The following CFAP61 variants were observed in gnomAD, a reference collection of about 807,000 sequenced individuals.
The protein encoded by CFAP61 is cilia- and flagella-associated protein 61.
Under a neutral mutation model 135.6 loss-of-function variants are expected in CFAP61, and 107 were observed. That is an observed-to-expected ratio of 0.79 (90% confidence interval 0.67 to 0.93). The LOEUF is 0.93. CFAP61 is among the 40% of genes least tolerant of loss of function. The probability of loss-of-function intolerance (pLI) is 0.00; values close to 1 mark genes in which losing one functional copy is unlikely to be tolerated. For synonymous variants in CFAP61, 575 were observed against 578.5 expected, an observed-to-expected ratio of 0.99 and a Z score of 0.09; for missense variants, 1,507 against 1,556.2, an observed-to-expected ratio of 0.97 and a Z score of 0.53.
At chr20:20,059,149 GA>G (rs2146537293) in intron 2 of CFAP61, among the ~76,000 whole-genome samples, 1 of 151,876 alleles carries the variant, frequency 6.6e-6, no homozygotes, top group East Asian at 1.9e-4. Flanking sequence ...GCCAACAGGT[GA>G]AACCCCATCT....
chr20:20,320,376 T>TGTAATATATATA (rs2057397286), intron 25 of CFAP61, among the ~76,000 whole-genome samples: 3 of 6,716 alleles, frequency 4.5e-4, no homozygotes, highest in Non-Finnish European at 1.6e-3. Context: ...ATATATATTA[T>TGTAATATATATA]ATATATGTAA....
At chr20:20,118,278 TTTCTTTCTTTCTTTCTTTCTTTC>T (rs1457907074) in intron 8 of CFAP61, among the ~76,000 whole-genome samples, 1 of 144,860 alleles carries the variant, frequency 6.9e-6, no homozygotes, top group African/African-American at 2.6e-5. Context: ...TCTTTCTTTC[TTTCTTTCTTTCTTTCTTTCTTTC>T]TTTCTTTTCT....
At chr20:20,082,777 A>G (rs183179966) in intron 6 of CFAP61, among the ~76,000 whole-genome samples, 1 of 152,310 alleles carries the variant, frequency 6.6e-6, no homozygotes, top group Admixed American at 6.5e-5. Context: ...ATGCAAATTA[A>G]ACCACAGTGA....
At chr20:20,251,877 A>T in intron 20 of CFAP61, 114 bp downstream of exon 20, 1 of 1,112,108 alleles carries the variant, frequency 9.0e-7, no homozygotes, top group Non-Finnish European at 1.3e-6. Context: ...CTGCCTGGAC[A>T]GCTGCTGCTC....
chr20:20,221,796 G>C (rs1601479514), intron 17 of CFAP61: 1 of 152,206 alleles, frequency 6.6e-6, no homozygotes, highest in Admixed American at 6.5e-5. Flanking sequence ...ACTAATATTT[G>C]CTTCACTAAT....
intron 6 of CFAP61, among the ~76,000 whole-genome samples, chr20:20,079,978 A>C (rs1427738804): frequency 6.6e-6 from 1 of 152,144 alleles, no homozygotes; most frequent in East Asian, 1.9e-4. Flanking sequence ...TATTACCTTC[A>C]GTTTTTAAAT....
chr20:20,274,727 C>T (rs1350122914), intron 21 of CFAP61, among the ~76,000 whole-genome samples: 1 of 152,094 alleles, frequency 6.6e-6, no homozygotes, highest in Non-Finnish European at 1.5e-5. Context: ...GGCCATCTTA[C>T]ATATTAATAA....
At chr20:20,171,962 A>G (rs2054256346) in intron 13 of CFAP61, 4 of 476,372 alleles carry the variant, frequency 8.4e-6, no homozygotes, top group Non-Finnish European at 1.5e-5. Context: ...GAAGAGGGGA[A>G]GCACTTTCCT....
chr20:20,172,578 C>T (rs1311889451), intron 13 of CFAP61, among the ~76,000 whole-genome samples: 1 of 152,138 alleles, frequency 6.6e-6, no homozygotes, highest in African/African-American at 2.4e-5. Context: ...CCTTGGCCTC[C>T]CAGTGTTGCA....
chr20:20,267,896 T>C (rs963822500), intron 21 of CFAP61: 1 of 152,194 alleles, frequency 6.6e-6, no homozygotes, highest in Non-Finnish European at 1.5e-5. Flanking sequence ...TCCACCCCAA[T>C]GTGCAGGCTG....
chr20:20,249,507 C>G (rs983597382), intron 19 of CFAP61, among the ~76,000 whole-genome samples: 2 of 152,146 alleles, frequency 1.3e-5, no homozygotes, highest in Non-Finnish European at 2.9e-5. Context: ...CCACTGTGCT[C>G]TAGGCTGGGT....
intron 7 of CFAP61, among the ~76,000 whole-genome samples, chr20:20,096,507 G>T (rs1478145538): frequency 1.3e-5 from 2 of 152,204 alleles, no homozygotes; most frequent in Admixed American, 1.3e-4. Flanking sequence ...ACTAACAGCG[G>T]TCTTATAAAT....
intron 25 of CFAP61, among the ~76,000 whole-genome samples, chr20:20,303,321 G>A (rs565854411): frequency 2.0e-5 from 3 of 152,306 alleles, no homozygotes; most frequent in South Asian, 4.1e-4. Flanking sequence ...TAACTGATGA[G>A]AGTAATAATT....
At chr20:20,122,148 T>TG (rs2049701069) in intron 8 of CFAP61, among the ~76,000 whole-genome samples, 2 of 149,830 alleles carry the variant, frequency 1.3e-5, no homozygotes, top group African/African-American at 4.9e-5. Context: ...GTCATTCTTT[T>TG]TTGTTGTTGT....
chr20:20,279,046 A>G (rs1445589562), intron 22 of CFAP61, among the ~76,000 whole-genome samples: 5 of 152,210 alleles, frequency 3.3e-5, no homozygotes, highest in Non-Finnish European at 7.3e-5. Context: ...AAAAATGGCA[A>G]ACCTGGAAGA....
chr20:20,262,060 A>G (rs1214564913), intron 20 of CFAP61, among the ~76,000 whole-genome samples: 1 of 152,212 alleles, frequency 6.6e-6, no homozygotes, highest in Non-Finnish European at 1.5e-5. Context: ...TTTTCTGCCT[A>G]GCCCCTCTAT....
At chr20:20,315,957 G>A (rs1199111706) in intron 25 of CFAP61, among the ~76,000 whole-genome samples, 2 of 152,194 alleles carry the variant, frequency 1.3e-5, no homozygotes, top group African/African-American at 4.8e-5. Context: ...AGTATAGTTT[G>A]AAGTCAGGTA....
chr20:20,282,167 C>T (rs2147051666), intron 22 of CFAP61, among the ~76,000 whole-genome samples: 1 of 152,216 alleles, frequency 6.6e-6, no homozygotes, highest in South Asian at 2.1e-4. Flanking sequence ...CTGTTTGCTG[C>T]CAGTCTCTCT....
At chr20:20,062,134 C>G (rs946225652) in intron 2 of CFAP61, among the ~76,000 whole-genome samples, 2 of 152,074 alleles carry the variant, frequency 1.3e-5, no homozygotes, top group Non-Finnish European at 2.9e-5. Context: ...AATTGAGGAG[C>G]CCAGCCTCCA....
Sources: gnomAD v4.1 joint callset for allele counts (sites outside exome capture counted in the v4.1 genomes callset) on GRCh38, gnomAD v4.1.1 for gene constraint, MANE v1.5 for transcripts, NCBI Gene and HGNC (gene_info 2026-07-23, HGNC 2026-07-21) for gene names.